The following ATP6V0A1 variants were observed in gnomAD, a reference collection of about 807,000 sequenced individuals.
ATP6V0A1 encodes ATPase H+ transporting V0 subunit a1, also known as V-type proton ATPase 116 kDa subunit a 1.
In ATP6V0A1, 43 loss-of-function variants were observed where a neutral mutation model predicts 105.4. That is an observed-to-expected ratio of 0.41 (90% CI 0.32 to 0.53). The LOEUF (loss-of-function observed/expected upper bound fraction) is 0.53. Ranked by LOEUF, ATP6V0A1 falls within the 20% of genes least tolerant of loss-of-function variation. ATP6V0A1 has a pLI of 0.30. For synonymous variants in ATP6V0A1, 362 were observed against 372.8 expected, an observed-to-expected ratio of 0.97 and a Z score of 0.33; for missense variants, 676 against 1,051.1, an observed-to-expected ratio of 0.64 and a Z score of 4.93.
chr17:42,495,947 C>T (rs2091120345), intron 14 of ATP6V0A1: 1 of 386,644 alleles, frequency 2.6e-6, no homozygotes, highest in South Asian at 2.7e-5. Context: ...TGGCGCATGC[C>T]TGTAGTCCCA....
At chr17:42,495,253 A>G (rs1249017352) in intron 13 of ATP6V0A1, 65 bp downstream of exon 13, 3 of 1,542,348 alleles carry the variant, frequency 1.9e-6, no homozygotes, top group Non-Finnish European at 2.7e-6. Flanking sequence ...GATTTTTAAG[A>G]CAAGTGGTAA....
chr17:42,483,228 A>G, intron 9 of ATP6V0A1, 97 bp downstream of exon 9: 1 of 927,444 alleles, frequency 1.1e-6, no homozygotes, highest in Non-Finnish European at 1.5e-6. Context: ...AGGTACCTGT[A>G]GCAAACCAGG....
intron 15 of ATP6V0A1, among the ~76,000 whole-genome samples, chr17:42,500,054 G>A (rs988585998): frequency 7.6e-5 from 11 of 145,438 alleles, no homozygotes; most frequent in African/African-American, 2.6e-4. Flanking sequence ...TGGGTAACAC[G>A]GCAAAAGACC....
chr17:42,498,546 G>A (rs1035935697), intron 14 of ATP6V0A1, among the ~76,000 whole-genome samples: 3 of 152,008 alleles, frequency 2.0e-5, no homozygotes, highest in African/African-American at 7.3e-5. Flanking sequence ...AAAAATTGTC[G>A]ACCGGGCGCG....
In ATP6V0A1 at chr17:42,499,253, C is replaced by T. The variant is rs111643062; in HGVS notation, c.1679+211C>T. ...TGGGAGGCCAAGGCCGGTGGATCAC[C>T]TGAGGTCAGGAGTTCGAAACCAGCC... On this transcript the variant is annotated intron_variant, in intron 15 of 21. Transcript: ENST00000343619. Among the ~76,000 whole-genome samples the T allele has an allele frequency of 4.1e-3, 629 of 152,198 alleles. 10 individuals carry two copies. The highest frequency in any genetic ancestry group is 0.014 in the African/African-American group (596 of 41,516).
rs1453087887 is a variant in ATP6V0A1, at chr17:42,521,990, C to CT, written c.*870_*871insT. On this transcript the variant is annotated 3_prime_UTR_variant, in exon 22 of 22. Coordinates refer to ENST00000343619, the MANE Select transcript of ATP6V0A1 (RefSeq NM_001130021.3). This position sits in a 1 kb window ranked among gnomAD's most constrained non-coding sequence, Gnocchi z 4.8. ...TCCCCACCCCCAATCATGATGTCTTCAGTGTGGGACTGGGGTCCTCTTGGT... is the reference window on the plus strand; with the variant it reads ...TCCCCACCCCCAATCATGATGTCTTCTAGTGTGGGACTGGGGTCCTCTTGGT... 6.5e-6 allele frequency: 1 copy of CT among 152,838 alleles called. No homozygotes were observed. The highest frequency in any genetic ancestry group is 1.5e-5 in the Non-Finnish European group (1 of 68,480). The allele number at this position is 152,838 out of a possible 1,614,324, so 9.5% of individuals were successfully genotyped here.
intron 21 of ATP6V0A1, chr17:42,518,507 C>T (rs1261153082): frequency 2.0e-5 from 3 of 152,282 alleles, no homozygotes; most frequent in South Asian, 4.1e-4. Context: ...AACAGCTCAG[C>T]CCAGAATTGT....
In ATP6V0A1 at chr17:42,490,473, C is replaced by G. The variant is rs1451688031; in HGVS notation, c.1024-14C>G. On this transcript the variant is annotated splice_polypyrimidine_tract_variant and intron_variant, in intron 10 of 21. Coordinates refer to ENST00000343619, the MANE Select transcript of ATP6V0A1 (RefSeq NM_001130021.3). The stretch of plus-strand genomic sequence containing the variant: ...GGATAACCTAAGTTTGATAAATGTG[C>G]TAATGTTTTTCAGGAACACAGTGGT... The G allele has an allele frequency of 2.5e-6, 4 of 1,592,368 alleles. No individual in the cohort carries two copies. The highest frequency in any genetic ancestry group is 3.4e-6 in the Non-Finnish European group (4 of 1,172,412).
In ATP6V0A1 at chr17:42,485,531, T is replaced by TTTG. The variant is rs1411489701; in HGVS notation, c.811-1622_811-1621insGTT. On this transcript the variant is annotated intron_variant, in intron 9 of 21. Coordinates refer to ENST00000343619, the MANE Select transcript of ATP6V0A1 (RefSeq NM_001130021.3). ...CCTTCTAGAAGAAGGGTTTTTTGTG[T>TTTG]TTTGTTTGTTTGTTTTGTTTTGTTT... 1.9e-4 allele frequency among the ~76,000 whole-genome samples: 26 copies of TTTG among 135,800 alleles called. No homozygotes were observed. In the East Asian group the frequency reaches 5.7e-3, roughly 30 times the overall value. 89.1% of individuals were successfully genotyped at this position (135,800 alleles called of 152,430 possible). A position where few individuals can be genotyped will look rare whatever the true frequency, so the allele number is the denominator to read the frequency against.
chr17:42,499,470 CA>C (rs59994877), intron 15 of ATP6V0A1, among the ~76,000 whole-genome samples: 1 of 147,720 alleles, frequency 6.8e-6, no homozygotes, highest in African/African-American at 2.5e-5. Context: ...GACTCTGCCT[CA>C]AAAAAAATAA....
chr17:42,493,820 A>T (rs915183225), intron 11 of ATP6V0A1, among the ~76,000 whole-genome samples: 2 of 152,116 alleles, frequency 1.3e-5, no homozygotes, highest in African/African-American at 2.4e-5. Flanking sequence ...TCTCTCTTTT[A>T]AAAAAAGTTA....
intron 17 of ATP6V0A1, chr17:42,502,733 A>G (rs2091772443): frequency 6.6e-6 from 1 of 152,150 alleles, no homozygotes; most frequent in East Asian, 1.9e-4. Context: ...TTGTCTCCCC[A>G]CTTCACTCCC....
At chr17:42,501,894 C>T (rs1353622174) in intron 17 of ATP6V0A1, among the ~76,000 whole-genome samples, 1 of 151,862 alleles carries the variant, frequency 6.6e-6, no homozygotes, top group Non-Finnish European at 1.5e-5. Flanking sequence ...ATTAGCCAAG[C>T]GTGTTGGCGC....
chr17:42,513,715 G>A, intron 19 of ATP6V0A1, 146 bp from the exon 20 acceptor site: 1 of 755,154 alleles, frequency 1.3e-6, no homozygotes, highest in Non-Finnish European at 2.2e-6. Context: ...GGGTGCTTCT[G>A]GCCCCTCCAG....
intron 11 of ATP6V0A1, among the ~76,000 whole-genome samples, chr17:42,492,533 C>T (rs1168805619): frequency 1.3e-5 from 2 of 150,268 alleles, no homozygotes; most frequent in Non-Finnish European, 3.0e-5. Context: ...ATGGAGAAAC[C>T]CCGTCTCTAC....
chr17:42,508,672 C>T, intron 19 of ATP6V0A1, 83 bp downstream of exon 19: 1 of 1,573,724 alleles, frequency 6.4e-7, no homozygotes, highest in Non-Finnish European at 8.7e-7. Context: ...GACCCTGCCA[C>T]ACCCTGGGGC....
rs751344844 is a variant in ATP6V0A1, at chr17:42,507,523, ACT to A, written c.2012_2013del (p.Leu671GlnfsTer17). 2 of 1,610,114 alleles carry A rather than the reference ACT, an allele frequency of 1.2e-6. No homozygotes were observed. Among genetic ancestry groups the A allele is most frequent in the Non-Finnish European group, 1.7e-6 (2 of 1,177,036 alleles). On this transcript the variant is annotated frameshift_variant, in exon 18 of 22. Coordinates refer to ENST00000343619, the MANE Select transcript of ATP6V0A1 (RefSeq NM_001130021.3). LOFTEE classifies it high-confidence loss of function. ...CTCTTTCTGTTCATCTGTGTAGGGA[ACT>A]CTCAACTTTGGTGGGATCAGGGTGG... is the stretch of plus-strand genomic sequence containing the variant. ...RQYLRRKHLG[T>X]LNFGGIRVGN...
At chr17:42,468,565 A>G (rs983054433) in intron 4 of ATP6V0A1, among the ~76,000 whole-genome samples, 4 of 152,202 alleles carry the variant, frequency 2.6e-5, no homozygotes, top group African/African-American at 9.7e-5. Context: ...AGCCTCTGGT[A>G]TCTATCATTC....
intron 21 of ATP6V0A1, 147 bp from the exon 22 acceptor site, chr17:42,520,880 C>G (rs1004746618): frequency 1.4e-6 from 1 of 707,902 alleles, no homozygotes; most frequent in Non-Finnish European, 2.4e-6. Context: ...AGTGGGATCT[C>G]TGCACTCTGG....
Sources: gnomAD v4.1 joint callset for allele counts (sites outside exome capture counted in the v4.1 genomes callset) on GRCh38, gnomAD v4.1.1 for gene constraint, Gnocchi (gnomAD v3.1) non-coding constraint, MANE v1.5 for transcripts, NCBI Gene and HGNC (gene_info 2026-07-23, HGNC 2026-07-21) for gene names.